SLC12A7: variants seen among roughly 807,000 people sequenced by gnomAD.
SLC12A7 encodes solute carrier family 12 member 7.
In SLC12A7, 100 loss-of-function variants were observed where a neutral mutation model predicts 120.6. The ratio of observed to expected loss-of-function variants is 0.83; its 90% CI spans 0.71 to 0.98. The LOEUF is 0.98. Among genes scored for constraint, SLC12A7 ranks in the 50% least tolerant of loss-of-function variants. SLC12A7 has a pLI of 0.00. For synonymous variants in SLC12A7, 760 were observed against 678.0 expected, an observed-to-expected ratio of 1.12 and a Z score of -1.88; for missense variants, 1,373 against 1,548.1, an observed-to-expected ratio of 0.89 and a Z score of 1.90.
At chr5:1,123,547 G>A in the SLC12A7 span, among the ~76,000 whole-genome samples, 5 of 152,360 alleles carry the variant, frequency 3.3e-5, no homozygotes, top group Admixed American at 3.3e-4. Context: ...TGCCCAGCCT[G>A]GCCCCGCCGG....
chr5:1,109,641 G>C (rs1742841057), intron 1 of SLC12A7, among the ~76,000 whole-genome samples: 1 of 151,450 alleles, frequency 6.6e-6, no homozygotes, highest in Non-Finnish European at 1.5e-5. Flanking sequence ...GAGCCAGGCA[G>C]CCCGGGCAGC....
intron 11 of SLC12A7, 123 bp from the exon 12 acceptor site, chr5:1,078,130 G>A (rs1347284851): frequency 4.9e-6 from 6 of 1,222,726 alleles, no homozygotes; most frequent in Non-Finnish European, 6.6e-6. Context: ...GAAAGCTGAG[G>A]CCCGGCCTCC....
the SLC12A7 span, among the ~76,000 whole-genome samples, chr5:1,141,617 T>C: frequency 9.8e-5 from 15 of 152,364 alleles, no homozygotes; most frequent in South Asian, 2.9e-3. Flanking sequence ...GCCACTAAGC[T>C]TGTGTGGTCA....
chr5:1,083,869 G>A lies in SLC12A7; in HGVS notation c.1005C>T (p.Thr335=), dbSNP rs997680538. 5 of 1,608,228 alleles carry A rather than the reference G, an allele frequency of 3.1e-6. No homozygotes were observed. Among genetic ancestry groups the A allele is most frequent in the African/African-American group, 2.7e-5 (2 of 74,878 alleles). ...TGCAGAAGAGGCCCCAGAGCGCGGA[G>A]GTGGCTGAGTTGTTGTGGATGCCGT... ...KAYGIHNNSA[T]SALWGLFCNG... The change falls in exon 8 of 24, where the codon ACC becomes ACT. Residue 335 remains threonine (T), a synonymous_variant. Coordinates refer to ENST00000264930, the MANE Select transcript of SLC12A7 (RefSeq NM_006598.3).
rs865966241 is a variant in SLC12A7 at position 1,093,468 on chromosome 5, C to T, written c.342+65G>A. The T allele has an allele frequency of 2.0e-5, 30 of 1,487,458 alleles. No homozygotes were observed. The Middle Eastern group carries it at 9.2e-4, about 45-fold the overall frequency. 92.1% of individuals were successfully genotyped at this position (1,487,458 alleles called of 1,614,324 possible). ...TTCTGACAAGCAACTGCCTTGCCGGCGTGATCTAACCCTGCCGGGACACAC... is the reference window on the plus strand; with the variant it reads ...TTCTGACAAGCAACTGCCTTGCCGGTGTGATCTAACCCTGCCGGGACACAC... On this transcript the variant is annotated intron_variant, in intron 3 of 23. Coordinates refer to ENST00000264930, the MANE Select transcript of SLC12A7 (RefSeq NM_006598.3).
chr5:1,066,767 G>A (rs1165536259), intron 17 of SLC12A7, among the ~76,000 whole-genome samples: 5 of 152,160 alleles, frequency 3.3e-5, no homozygotes, highest in African/African-American at 4.8e-5. Context: ...GCCCAGGGTC[G>A]CCCGGGGGCC....
chr5:1,094,977 G>GC (rs1372509227), intron 1 of SLC12A7, among the ~76,000 whole-genome samples: 2 of 147,598 alleles, frequency 1.4e-5, no homozygotes, highest in Non-Finnish European at 3.0e-5. Flanking sequence ...AGGCCCGATG[G>GC]CCCATGTGAC....
chr5:1,134,052 G>A, the SLC12A7 span, among the ~76,000 whole-genome samples: 11,026 of 152,204 alleles, frequency 0.072, 662 homozygotes, highest in African/African-American at 0.16. Flanking sequence ...CAGACAGCCA[G>A]AGCCTAGTAC....
chr5:1,076,947 G>C lies in SLC12A7; in HGVS notation c.1630-135C>G, dbSNP rs553250092. On this transcript the variant is annotated intron_variant, in intron 12 of 23. Coordinates refer to ENST00000264930, the MANE Select transcript of SLC12A7 (RefSeq NM_006598.3). Reference sequence around the variant, plus strand: ...GAAACGCCTTTCACAGTAGGTCCCCGGGACATCACGCGGCTGGCCTGGGAA... The same window carrying C: ...GAAACGCCTTTCACAGTAGGTCCCCCGGACATCACGCGGCTGGCCTGGGAA... 11 of 672,962 alleles carry C rather than the reference G, an allele frequency of 1.6e-5. No homozygotes were observed. The African/African-American group carries it at 1.9e-4, about 12-fold the overall frequency. 41.7% of individuals were successfully genotyped at this position (672,962 alleles called of 1,614,324 possible).
chr5:1,058,645 G>C (rs1735874963), intron 21 of SLC12A7, among the ~76,000 whole-genome samples: 1 of 152,238 alleles, frequency 6.6e-6, no homozygotes, highest in Non-Finnish European at 1.5e-5. Context: ...TTCCCGAAAG[G>C]GAAGAGATTG....
intron 10 of SLC12A7, 53 bp from the exon 11 acceptor site, chr5:1,078,811 CG>C: frequency 1.5e-5 from 2 of 132,280 alleles, no homozygotes; most frequent in Admixed American, 3.6e-4. Context: ...TCCTCAGGTA[CG>C]GGGGGTGGGG....
intron 6 of SLC12A7, 148 bp from the exon 7 acceptor site, chr5:1,085,621 G>A (rs1407641290): frequency 1.7e-6 from 2 of 1,210,106 alleles, no homozygotes; most frequent in East Asian, 2.6e-5. Flanking sequence ...GGAGCCCGCG[G>A]GGGTCAGCGC....
At chr5:1,134,699 G>A in the SLC12A7 span, among the ~76,000 whole-genome samples, 74 of 152,180 alleles carry the variant, frequency 4.9e-4, 1 homozygote, top group African/African-American at 1.6e-3. Context: ...GCAGGGACTC[G>A]AACAGATATT....
intron 1 of SLC12A7, among the ~76,000 whole-genome samples, chr5:1,096,012 G>A (rs566005046): frequency 1.3e-5 from 2 of 152,354 alleles, no homozygotes; most frequent in East Asian, 3.9e-4. Context: ...GAAGCTCCAG[G>A]TGACAGAGAC....
chr5:1,086,514 C>A (rs537177978), intron 6 of SLC12A7, among the ~76,000 whole-genome samples: 1 of 152,338 alleles, frequency 6.6e-6, no homozygotes, highest in African/African-American at 2.4e-5. Flanking sequence ...GACCCTCGGC[C>A]AAGTGCCCAG....
At chr5:1,117,212 G>T in the SLC12A7 span, among the ~76,000 whole-genome samples, 1 of 152,154 alleles carries the variant, frequency 6.6e-6, no homozygotes, top group Admixed American at 6.5e-5. This position sits in a 1 kb window ranked among gnomAD's most constrained non-coding sequence, Gnocchi z 4.5. Context: ...TGCGGGGGTG[G>T]GGGTGCAGCC....
Position 1,081,720 on chromosome 5 carries a change from T to C in SLC12A7, c.1154A>G (p.His385Arg), listed in dbSNP as rs1739145022. 2.5e-6 allele frequency: 4 copies of C among 1,612,870 alleles called. No individual in the cohort carries two copies. The highest frequency in any genetic ancestry group is 3.4e-6 in the Non-Finnish European group (4 of 1,179,924). The change falls in exon 9 of 24, where the codon CAC becomes CGC. Residue 385 changes from histidine (H) to arginine (R), a missense_variant. Physicochemically the swap from His to Arg is conservative, Grantham distance 29. Transcript: ENST00000264930. Reference sequence around the variant, plus strand: ...TTTCTTCTCCACAAACGCCCCCGCGTGCGCGTACGTACTCCACAGGTTCTC... The same window carrying C: ...TTTCTTCTCCACAAACGCCCCCGCGCGCGCGTACGTACTCCACAGGTTCTC... ...FLENLWSTYA[H>R]AGAFVEKKGV...
At position 1,052,460 on chromosome 5, in the gene SLC12A7, AAC is replaced by A; in HGVS notation, c.3161-11_3161-10del. The A allele has an allele frequency of 6.2e-7, 1 of 1,608,056 alleles. No homozygotes were observed. The highest frequency in any genetic ancestry group is 8.5e-7 in the Non-Finnish European group (1 of 1,175,610). ...TTCAAGAAACTCCATGTCTGTGGTC[AAC>A]AGAGTTAAGGCCACAGCTGATCTTA... On this transcript the variant is annotated splice_polypyrimidine_tract_variant and intron_variant, in intron 23 of 23. Transcript: ENST00000264930.
chr5:1,075,684 G>T (rs1368521902), intron 14 of SLC12A7, among the ~76,000 whole-genome samples, 194 bp from the exon 15 acceptor site: 1 of 152,216 alleles, frequency 6.6e-6, no homozygotes, highest in Non-Finnish European at 1.5e-5. Flanking sequence ...GCCCCTGTGG[G>T]AGCTGTCACT....
Sources: allele counts gnomAD v4.1 joint callset (sites outside exome capture counted in the v4.1 genomes callset), GRCh38; gene constraint gnomAD v4.1.1; non-coding constraint Gnocchi (gnomAD v3.1); transcripts MANE v1.5; gene names NCBI Gene and HGNC (gene_info 2026-07-23, HGNC 2026-07-21).